Variants in PRLR observed in about 807,000 individuals in gnomAD.
The protein encoded by PRLR is hPRL receptor.
In PRLR, 13 loss-of-function variants were observed where a neutral mutation model predicts 40.2. That is an observed-to-expected ratio of 0.32 (90% CI 0.21 to 0.51). PRLR has a LOEUF of 0.51. Ranked by LOEUF, PRLR falls within the 20% of genes least tolerant of loss-of-function variation. The pLI, the probability that PRLR is intolerant of heterozygous loss-of-function variation, is 0.97. For synonymous variants in PRLR, 269 were observed against 278.7 expected (o/e 0.97, Z 0.35); for missense variants, 656 against 747.3 (o/e 0.88, Z 1.42).
At chr5:35,137,858 C>T (rs1211400789) in intron 1 of PRLR, among the ~76,000 whole-genome samples, 1 of 152,132 alleles carries the variant, frequency 6.6e-6, no homozygotes, top group African/African-American at 2.4e-5. Flanking sequence ...TCGCTTGAAC[C>T]CGGGAAGCAG....
chr5:35,229,212 G>T (rs1384627886), intron 1 of PRLR, among the ~76,000 whole-genome samples: 2 of 151,474 alleles, frequency 1.3e-5, no homozygotes, highest in African/African-American at 4.8e-5. Context: ...TCTTGCCCAA[G>T]TTTGCACAGC....
At chr5:35,099,914 C>T (rs1387178720) in intron 2 of PRLR, among the ~76,000 whole-genome samples, 3 of 152,184 alleles carry the variant, frequency 2.0e-5, no homozygotes, top group South Asian at 2.1e-4. Context: ...CGGTGGTTCA[C>T]GCCTGTAATC....
In PRLR at chr5:35,118,113, A is replaced by C. The variant is rs934405545; in HGVS notation, c.-96T>G. The C allele has an allele frequency of 6.1e-6, 6 of 985,378 alleles. No homozygotes were observed. Among genetic ancestry groups the C allele is most frequent in the Non-Finnish European group, 7.2e-6 (6 of 829,558 alleles). The allele number at this position is 985,378 out of a possible 1,614,324, so 61.0% of individuals were successfully genotyped here. ...CAGTGTTCGCCTCCATGAATAGGAGAGTTCTTTAGCTGAAAGAGGAAATGA... is the reference window on the plus strand; with the variant it reads ...CAGTGTTCGCCTCCATGAATAGGAGCGTTCTTTAGCTGAAAGAGGAAATGA... On this transcript the variant is annotated 5_prime_UTR_variant, in exon 2 of 10. Transcript: ENST00000618457.
intron 2 of PRLR, among the ~76,000 whole-genome samples, chr5:35,104,263 G>A (rs969942722): frequency 1.3e-5 from 2 of 152,160 alleles, no homozygotes; most frequent in African/African-American, 4.8e-5. Context: ...GGGGTTCCAA[G>A]ACGGCCAAAT....
At chr5:35,107,409 AG>A (rs1409923714) in intron 2 of PRLR, among the ~76,000 whole-genome samples, 3 of 152,198 alleles carry the variant, frequency 2.0e-5, no homozygotes, top group Non-Finnish European at 2.9e-5. Context: ...AAACACAAAA[AG>A]CTCTTCAAAA....
At chr5:35,091,608 G>A (rs570363744) in intron 2 of PRLR, among the ~76,000 whole-genome samples, 6 of 152,252 alleles carry the variant, frequency 3.9e-5, no homozygotes, top group African/African-American at 1.4e-4. Context: ...TTCCCCCTCT[G>A]TGGGAGAGAC....
chr5:35,178,652 G>A (rs1303910314), intron 1 of PRLR, among the ~76,000 whole-genome samples: 1 of 152,116 alleles, frequency 6.6e-6, no homozygotes, highest in African/African-American at 2.4e-5. Context: ...ATTACGAAAT[G>A]GAAGTATAGT....
intron 2 of PRLR, among the ~76,000 whole-genome samples, chr5:35,115,962 T>G (rs1772991026): frequency 6.6e-6 from 1 of 152,202 alleles, no homozygotes; most frequent in Non-Finnish European, 1.5e-5. Flanking sequence ...TATTGCTTTC[T>G]GGATGTTCTT....
At position 35,084,507 on chromosome 5, in the gene PRLR, A is replaced by T. The variant is rs768326949; in HGVS notation, c.336T>A (p.Ser112Arg). The T allele has an allele frequency of 6.3e-7, 1 of 1,580,108 alleles. No individual in the cohort carries two copies. The highest frequency in any genetic ancestry group is 2.0e-5 in the Admixed American group (1 of 50,670). Residue 112 changes from serine (S) to arginine (R), a missense_variant, in exon 5 of 10, where the codon AGT becomes AGA. Coordinates refer to ENST00000618457, the MANE Select transcript of PRLR (RefSeq NM_000949.7). ...CGTCCACATAAAGTTCATCCGAGAA[A>T]CTGCTTCCCATCTGGTTAGTGGCAT... ...MVNATNQMGS[S>R]FSDELYVDVT...
rs557070754 is a variant in PRLR, at chr5:35,061,138, T to A, written c.*3951A>T. 6.6e-6 allele frequency: 1 copy of A among 152,084 alleles called. No homozygotes were observed. Among genetic ancestry groups the A allele is most frequent in the South Asian group, 2.1e-4 (1 of 4,820 alleles). The allele number at this position is 152,084 out of a possible 1,614,324, so 9.4% of individuals were successfully genotyped here. On this transcript the variant is annotated 3_prime_UTR_variant, in exon 10 of 10. Transcript: ENST00000618457. ...TATCTATATCTATATATATATATAA[T>A]CCCTATAAGGCAAATGTTACTTTCT...
intron 1 of PRLR, among the ~76,000 whole-genome samples, chr5:35,202,001 A>G (rs567661692): frequency 6.6e-6 from 1 of 152,338 alleles, no homozygotes; most frequent in East Asian, 1.9e-4. Context: ...CTCTAGATAA[A>G]GAGAGGCTAA....
At chr5:35,104,872 T>C (rs1462999148) in intron 2 of PRLR, among the ~76,000 whole-genome samples, 1 of 152,204 alleles carries the variant, frequency 6.6e-6, no homozygotes, top group Non-Finnish European at 1.5e-5. Flanking sequence ...AAGAAAGTAG[T>C]GGTTCTCCCA....
At chr5:35,108,350 C>T (rs1306210833) in intron 2 of PRLR, among the ~76,000 whole-genome samples, 1 of 152,112 alleles carries the variant, frequency 6.6e-6, no homozygotes, top group African/African-American at 2.4e-5. Flanking sequence ...TCCTATTCAA[C>T]ATAGTATTGG....
rs1768383836 is a variant in PRLR at position 35,049,083 on chromosome 5, G to T, written c.*204C>A. ...ATTCAATATAATTGTCCCTTTTTGT[G>T]TGGGTTTCCAGCTCCCAGTCAATTC... is the stretch of plus-strand genomic sequence containing the variant. On this transcript the variant is annotated 3_prime_UTR_variant, in exon 9 of 9. Transcript: ENST00000231423. 4 of 676,612 alleles carry T rather than the reference G, an allele frequency of 5.9e-6. No individual in the cohort carries two copies. The Admixed American group carries it at 8.3e-5, about 14-fold the overall frequency. The allele number at this position is 676,612 out of a possible 1,614,324, so 41.9% of individuals were successfully genotyped here.
chr5:35,059,176 G>T lies in PRLR; in HGVS notation c.*5913C>A, dbSNP rs2112343634. ...TATTTTTTATATTACTACTTCAGTT[G>T]CTGAAGGTTTTAGGGTTTTTTTCTT... On this transcript the variant is annotated 3_prime_UTR_variant, in exon 10 of 10. Transcript: ENST00000618457. 1 of 152,200 alleles carries T rather than the reference G, an allele frequency of 6.6e-6. No homozygotes were observed. The highest frequency in any genetic ancestry group is 2.1e-4 in the South Asian group (1 of 4,824). 9.4% of individuals were successfully genotyped at this position (152,200 alleles called of 1,614,324 possible).
At chr5:35,204,789 T>C (rs372607601) in intron 1 of PRLR, among the ~76,000 whole-genome samples, 23 of 152,294 alleles carry the variant, frequency 1.5e-4, no homozygotes, top group East Asian at 9.7e-4. Context: ...TGCATCTCTA[T>C]ATGTCGACTT....
chr5:35,146,562 T>C (rs756878855), intron 1 of PRLR, among the ~76,000 whole-genome samples: 5 of 152,178 alleles, frequency 3.3e-5, no homozygotes, highest in African/African-American at 1.2e-4. Flanking sequence ...GCATGCATCA[T>C]TGTCATCGTT....
intron 6 of PRLR, 66 bp from the exon 7 acceptor site, chr5:35,070,331 C>G (rs1769668545): frequency 6.4e-7 from 1 of 1,564,996 alleles, no homozygotes; most frequent in African/African-American, 1.4e-5. Flanking sequence ...GAGTTTTCCC[C>G]TAAAAAATAA....
At chr5:35,086,989 T>G (rs1770895620) in intron 3 of PRLR, among the ~76,000 whole-genome samples, 1 of 152,096 alleles carries the variant, frequency 6.6e-6, no homozygotes, top group African/African-American at 2.4e-5. Flanking sequence ...CCCCTTTCCC[T>G]TCACTTTTTC....
Sources: allele counts gnomAD v4.1 joint callset (sites outside exome capture counted in the v4.1 genomes callset), GRCh38; gene constraint gnomAD v4.1.1; transcripts MANE v1.5; gene names NCBI Gene and HGNC (gene_info 2026-07-23, HGNC 2026-07-21).